ZNF423: variants seen among roughly 807,000 people sequenced by gnomAD.
The protein encoded by ZNF423 is Ebf-associated zinc finger protein.
Under a neutral mutation model 95.8 loss-of-function variants are expected in ZNF423, and 12 were observed. The observed-to-expected ratio is 0.13, with a 90% CI of 0.08 to 0.20. ZNF423 has a LOEUF of 0.20. Among genes scored for constraint, ZNF423 ranks in the 10% least tolerant of loss-of-function variants. The pLI is 1.00. For synonymous variants in ZNF423, 749 were observed against 711.9 expected (o/e 1.05, Z -0.83); for missense variants, 1,316 against 1,737.1 (o/e 0.76, Z 4.31).
At chr16:49,628,161 T>C (rs906080365) in intron 4 of ZNF423, among the ~76,000 whole-genome samples, 2 of 147,984 alleles carry the variant, frequency 1.4e-5, no homozygotes, top group African/African-American at 2.5e-5. Flanking sequence ...CATCCATCCA[T>C]CTACATACAT....
chr16:49,632,541 C>T (rs1272732409), intron 4 of ZNF423, among the ~76,000 whole-genome samples: 1 of 152,148 alleles, frequency 6.6e-6, no homozygotes, highest in Admixed American at 6.5e-5. Context: ...CATCCCTGCT[C>T]ACACAAGGCC....
chr16:49,664,191 A>G, intron 3 of ZNF423: 1 of 985,364 alleles, frequency 1.0e-6, no homozygotes. Context: ...AGGGCAGGCG[A>G]GGGCTGGAGA....
rs752885477 is a variant in ZNF423, at chr16:49,525,405, C to T, written c.3691G>A (p.Glu1231Lys). 2.5e-6 allele frequency: 4 copies of T among 1,613,932 alleles called. No homozygotes were observed. The highest frequency in any genetic ancestry group is 1.7e-5 in the Admixed American group (1 of 60,004). Residue 1231 changes from glutamate to lysine, a missense_variant, in exon 6 of 8, where the codon GAG becomes AAG. This residue lies in a region of ZNF423 where 75 missense variants were observed against 163.5 expected (regional missense o/e 0.46). Transcript: ENST00000563137. ...CATTTGAAGGTGCCGCCCATGCCCTCGAAGCTGTGCTCAATGAGGTGACAG... is the reference window on the plus strand; with the variant it reads ...CATTTGAAGGTGCCGCCCATGCCCTTGAAGCTGTGCTCAATGAGGTGACAG... Reference protein sequence around the residue: ...LLCHLIEHSFEGMGGTFKCPV... With the variant: ...LLCHLIEHSFKGMGGTFKCPV...
intron 7 of ZNF423, among the ~76,000 whole-genome samples, chr16:49,516,049 G>A (rs548695432): frequency 6.6e-6 from 1 of 152,300 alleles, no homozygotes; most frequent in Non-Finnish European, 1.5e-5. Context: ...CACCCTCCAC[G>A]GCGCCCGGAC....
chr16:49,670,615 T>C (rs76993121), intron 3 of ZNF423, among the ~76,000 whole-genome samples: 3,440 of 152,172 alleles, frequency 0.023, 124 homozygotes, highest in African/African-American at 0.077. Flanking sequence ...TTTTGCCCCC[T>C]GTGCCATCTG....
chr16:49,692,496 C>T (rs1187130078), intron 3 of ZNF423, among the ~76,000 whole-genome samples: 1 of 151,868 alleles, frequency 6.6e-6, no homozygotes, highest in South Asian at 2.1e-4. Context: ...GGTGTTGGAC[C>T]CAAGAACCAG....
intron 5 of ZNF423, among the ~76,000 whole-genome samples, chr16:49,608,471 T>G (rs932087840): frequency 6.6e-6 from 1 of 152,190 alleles, no homozygotes; most frequent in African/African-American, 2.4e-5. Context: ...CTCCCACAGA[T>G]GTACTATTCC....
intron 3 of ZNF423, among the ~76,000 whole-genome samples, chr16:49,728,846 C>T (rs1354019032): frequency 1.3e-5 from 2 of 152,200 alleles, no homozygotes; most frequent in African/African-American, 2.4e-5. Context: ...GATTCTTTTG[C>T]CTCAGCCTCC....
chr16:49,665,219 T>C (rs2030479147), intron 3 of ZNF423, among the ~76,000 whole-genome samples: 1 of 152,246 alleles, frequency 6.6e-6, no homozygotes, highest in African/African-American at 2.4e-5. Flanking sequence ...TCAGTAAATA[T>C]AGATGTCACC....
At chr16:49,736,927 C>T (rs1183541677) in intron 2 of ZNF423, among the ~76,000 whole-genome samples, 1 of 152,144 alleles carries the variant, frequency 6.6e-6, no homozygotes, top group Non-Finnish European at 1.5e-5. Flanking sequence ...ACAGATGGCC[C>T]CATGCCCTCT....
At chr16:49,584,895 T>A (rs954205385) in intron 5 of ZNF423, among the ~76,000 whole-genome samples, 8 of 152,182 alleles carry the variant, frequency 5.3e-5, no homozygotes, top group African/African-American at 1.9e-4. Flanking sequence ...CCCAGAACAG[T>A]GTCTTCTTGG....
chr16:49,644,083 G>C (rs187684118), intron 3 of ZNF423, among the ~76,000 whole-genome samples: 36 of 152,344 alleles, frequency 2.4e-4, no homozygotes, highest in Non-Finnish European at 7.3e-5. Context: ...CTCTGTCACA[G>C]AGAATCAAGG....
intron 5 of ZNF423, among the ~76,000 whole-genome samples, chr16:49,564,421 C>A (rs1970119436): frequency 6.6e-6 from 1 of 152,144 alleles, no homozygotes; most frequent in Non-Finnish European, 1.5e-5. Context: ...TGGGAAGGAA[C>A]CCCTTCTGTG....
intron 5 of ZNF423, among the ~76,000 whole-genome samples, chr16:49,612,809 A>G (rs1305251489): frequency 6.6e-6 from 1 of 152,188 alleles, no homozygotes; most frequent in Non-Finnish European, 1.5e-5. Context: ...AATTCCTACA[A>G]CTAAGTTGAG....
At chr16:49,598,832 C>T (rs964384120) in intron 5 of ZNF423, among the ~76,000 whole-genome samples, 1 of 152,266 alleles carries the variant, frequency 6.6e-6, no homozygotes, top group African/African-American at 2.4e-5. Context: ...TTTATAACTA[C>T]TGCAGCACTG....
At chr16:49,694,736 G>A (rs2031905707) in intron 3 of ZNF423, among the ~76,000 whole-genome samples, 1 of 152,218 alleles carries the variant, frequency 6.6e-6, no homozygotes. Flanking sequence ...GGGCTCTGAT[G>A]CCCTCTGGCC....
chr16:49,627,350 C>T (rs997667390), intron 4 of ZNF423, among the ~76,000 whole-genome samples: 2 of 146,386 alleles, frequency 1.4e-5, no homozygotes, highest in Non-Finnish European at 3.0e-5. Context: ...ATCCATCCAT[C>T]TACATACATA....
In ZNF423 at chr16:49,635,682, G is replaced by T; in HGVS notation, c.3494C>A (p.Thr1165Asn). ...TPETSGPRKGTQTSPVPRKKT... is the reference protein window; with the variant it reads ...TPETSGPRKGNQTSPVPRKKT... Reference sequence around the variant, plus strand: ...TACCCGGGGCACTGGCGATGTCTGGGTGCCTTTCCGGGGCCCACTGGTCTC... The same window carrying T: ...TACCCGGGGCACTGGCGATGTCTGGTTGCCTTTCCGGGGCCCACTGGTCTC... The change falls in exon 4 of 8, where the codon ACC (threonine) becomes AAC (asparagine). Residue 1165 changes from threonine (T) to asparagine (N), a missense_variant. Thr to Asn is a moderately conservative substitution (Grantham distance 65, BLOSUM62 0). Coordinates refer to ENST00000563137, the MANE Select transcript of ZNF423 (RefSeq NM_001379286.1). The surrounding 1 kb of genome is among the most constrained non-coding windows in gnomAD (Gnocchi z 4.8). 6.3e-7 allele frequency: 1 copy of T among 1,585,554 alleles called. No homozygotes were observed. The highest frequency in any genetic ancestry group is 1.2e-5 in the South Asian group (1 of 86,606).
At chr16:49,723,008 T>C (rs2143287298) in intron 3 of ZNF423, among the ~76,000 whole-genome samples, 1 of 149,126 alleles carries the variant, frequency 6.7e-6, no homozygotes, top group African/African-American at 2.5e-5. Flanking sequence ...CAGGCTGGAA[T>C]GCAGTGGTGT....
Sources: allele counts gnomAD v4.1 joint callset (sites outside exome capture counted in the v4.1 genomes callset), GRCh38; gene constraint gnomAD v4.1.1; regional missense constraint gnomAD v4.1.1; non-coding constraint Gnocchi (gnomAD v3.1); transcripts MANE v1.5; gene names NCBI Gene and HGNC (gene_info 2026-07-23, HGNC 2026-07-21).